The following COL25A1 variants were observed in gnomAD, a reference collection of about 807,000 sequenced individuals.
The protein encoded by COL25A1 is collagen type XXV alpha 1 chain.
COL25A1 carries 103 observed loss-of-function variants against 128.4 expected under a neutral mutation model. The observed-to-expected ratio is 0.80, with a 90% CI of 0.68 to 0.94. The LOEUF is 0.94. COL25A1 is among the 40% of genes least tolerant of loss of function. The pLI, the probability that COL25A1 is intolerant of heterozygous loss-of-function variation, is 0.00. For missense variants in COL25A1, 745 were observed against 840.0 expected, an observed-to-expected ratio of 0.89 and a Z score of 1.40; for synonymous variants, 279 against 277.2, an observed-to-expected ratio of 1.01 and a Z score of -0.06.
rs77752693 is a variant in COL25A1 at position 108,837,614 on chromosome 4, T to C, written c.1656+4081A>G. ...ACAACATAAAACACGTAGAACATGA[T>C]ATGATTGATTAATGTAAGGAGCCAC... On this transcript the variant is annotated intron_variant, in intron 31 of 37. Transcript: ENST00000399132. Among the ~76,000 whole-genome samples the C allele has an allele frequency of 1.2e-3, 180 of 152,266 alleles. 2 individuals are homozygous for C. In the East Asian group the frequency reaches 0.028, roughly 24 times the overall value.
chr4:109,249,387 T>C (rs950698575), intron 3 of COL25A1, among the ~76,000 whole-genome samples: 1 of 152,086 alleles, frequency 6.6e-6, no homozygotes, highest in African/African-American at 2.4e-5. Context: ...AATTAATGTA[T>C]TAATGAACTA....
chr4:109,002,983 T>C (rs1289524100), intron 6 of COL25A1, among the ~76,000 whole-genome samples: 6 of 152,150 alleles, frequency 3.9e-5, no homozygotes, highest in Non-Finnish European at 7.4e-5. Flanking sequence ...CCTGTGTCCA[T>C]GTGTTCTCAT....
intron 5 of COL25A1, among the ~76,000 whole-genome samples, chr4:109,012,658 C>T (rs933620534): frequency 6.6e-6 from 1 of 152,100 alleles, no homozygotes; most frequent in African/African-American, 2.4e-5. Context: ...TCCCCCGGCA[C>T]TGCTGGCCCG....
intron 5 of COL25A1, among the ~76,000 whole-genome samples, chr4:109,022,886 A>C (rs537589612): frequency 4.4e-4 from 67 of 152,270 alleles, no homozygotes; most frequent in African/African-American, 1.6e-3. Context: ...TTAGGGTGGA[A>C]ATGTTGCTTT....
chr4:109,004,915 A>G (rs1755817240), intron 6 of COL25A1, among the ~76,000 whole-genome samples: 1 of 149,044 alleles, frequency 6.7e-6, no homozygotes, highest in African/African-American at 2.5e-5. Context: ...ATGCGAGACA[A>G]TTCTCACTGA....
At chr4:108,855,093 C>T (rs951591311) in intron 24 of COL25A1, among the ~76,000 whole-genome samples, 1 of 151,622 alleles carries the variant, frequency 6.6e-6, no homozygotes, top group African/African-American at 2.4e-5. Flanking sequence ...CATAGAGAAA[C>T]ATTATTCAAT....
intron 3 of COL25A1, among the ~76,000 whole-genome samples, chr4:109,209,618 C>T (rs1270200353): frequency 6.6e-6 from 1 of 152,122 alleles, no homozygotes; most frequent in Non-Finnish European, 1.5e-5. Flanking sequence ...ACTTTATTTT[C>T]AAAAACCTTC....
At chr4:109,169,148 C>T (rs1019182419) in intron 3 of COL25A1, among the ~76,000 whole-genome samples, 3 of 152,192 alleles carry the variant, frequency 2.0e-5, no homozygotes, top group African/African-American at 7.2e-5. Flanking sequence ...CTAGCCTCAG[C>T]TACTGTTCCA....
At chr4:108,928,248 A>G (rs1746304749) in intron 11 of COL25A1, among the ~76,000 whole-genome samples, 1 of 152,234 alleles carries the variant, frequency 6.6e-6, no homozygotes, top group Non-Finnish European at 1.5e-5. Context: ...GCTGAGAAAC[A>G]CTGGCTGCTA....
chr4:109,239,390 GTGTGTATATATA>G (rs1222002664), intron 3 of COL25A1, among the ~76,000 whole-genome samples: 4,524 of 106,666 alleles, frequency 0.042, 250 homozygotes, highest in African/African-American at 0.13. Context: ...GTGTGTGTGT[GTGTGTATATATA>G]TATATATATA....
intron 6 of COL25A1, among the ~76,000 whole-genome samples, chr4:108,985,964 G>C (rs1406430372): frequency 1.3e-5 from 2 of 152,124 alleles, no homozygotes; most frequent in African/African-American, 2.4e-5. Context: ...CATGATTCTT[G>C]ACTTTCCTAT....
At chr4:109,239,210 G>A (rs888541132) in intron 3 of COL25A1, among the ~76,000 whole-genome samples, 3 of 151,454 alleles carry the variant, frequency 2.0e-5, no homozygotes, top group African/African-American at 4.8e-5. Context: ...ACATCATAGA[G>A]TGTACTTAAA....
At chr4:109,236,750 C>T (rs534615018) in intron 3 of COL25A1, among the ~76,000 whole-genome samples, 1 of 152,102 alleles carries the variant, frequency 6.6e-6, no homozygotes, top group African/African-American at 2.4e-5. Flanking sequence ...ATTTTTGATG[C>T]AATCTTTCTC....
At chr4:109,262,922 G>A (rs553780782) in intron 3 of COL25A1, among the ~76,000 whole-genome samples, 1 of 152,190 alleles carries the variant, frequency 6.6e-6, no homozygotes, top group South Asian at 2.1e-4. Flanking sequence ...CTAAGGTCAG[G>A]AGCTCGAGAG....
intron 3 of COL25A1, among the ~76,000 whole-genome samples, chr4:109,174,405 A>G (rs908375256): frequency 2.0e-5 from 3 of 152,146 alleles, no homozygotes; most frequent in African/African-American, 7.2e-5. Flanking sequence ...GCTCCTGCTT[A>G]TTCCTGAGTA....
chr4:109,208,241 T>C (rs947410767), intron 3 of COL25A1, among the ~76,000 whole-genome samples: 3 of 152,196 alleles, frequency 2.0e-5, no homozygotes, highest in African/African-American at 4.8e-5. Flanking sequence ...GAGTTCCATC[T>C]ACGAGGTAGC....
chr4:108,858,788 C>T (rs1324323249), intron 24 of COL25A1, among the ~76,000 whole-genome samples: 2 of 151,588 alleles, frequency 1.3e-5, no homozygotes, highest in Non-Finnish European at 2.9e-5. Flanking sequence ...TTAGAAACAC[C>T]AAAATAAAGG....
At chr4:109,001,538 A>G (rs537548835) in intron 6 of COL25A1, among the ~76,000 whole-genome samples, 1 of 139,642 alleles carries the variant, frequency 7.2e-6, no homozygotes, top group African/African-American at 2.6e-5. Flanking sequence ...AACTGGGATG[A>G]AGAGTATAAG....
intron 3 of COL25A1, among the ~76,000 whole-genome samples, chr4:109,291,323 A>G (rs930211872): frequency 1.3e-5 from 2 of 152,132 alleles, no homozygotes; most frequent in African/African-American, 4.8e-5. Context: ...CTATTGGCTA[A>G]AATCCTGTTA....
Sources: allele counts gnomAD v4.1 joint callset (sites outside exome capture counted in the v4.1 genomes callset), GRCh38; gene constraint gnomAD v4.1.1; transcripts MANE v1.5; gene names NCBI Gene and HGNC (gene_info 2026-07-23, HGNC 2026-07-21).